AP5M1: variants seen among roughly 807,000 people sequenced by gnomAD.
AP5M1 encodes AP-5 complex subunit mu-1.
AP5M1 carries 44 observed loss-of-function variants against 52.3 expected under a neutral mutation model. The observed-to-expected ratio is 0.84, with a 90% CI of 0.66 to 1.08. The LOEUF (loss-of-function observed/expected upper bound fraction) is 1.08, where lower values mean the gene tolerates loss of function less well. Ranked by LOEUF, AP5M1 falls within the 50% of genes least tolerant of loss-of-function variation. The pLI, the probability that AP5M1 is intolerant of heterozygous loss-of-function variation, is 0.00. For synonymous variants in AP5M1, 213 were observed against 199.0 expected, an observed-to-expected ratio of 1.07 and a Z score of -0.59; for missense variants, 526 against 568.4, an observed-to-expected ratio of 0.93 and a Z score of 0.76.
chr14:57,277,295 G>T (rs1377952621), intron 2 of AP5M1, among the ~76,000 whole-genome samples: 1 of 152,090 alleles, frequency 6.6e-6, no homozygotes, highest in Admixed American at 6.5e-5. Context: ...TCATCGGCAG[G>T]TTCCATGATG....
At chr14:57,286,625 C>G (rs1434995368) in intron 7 of AP5M1, 6 of 217,776 alleles carry the variant, frequency 2.8e-5, no homozygotes, top group Non-Finnish European at 1.8e-5. Context: ...GTTGGACAGA[C>G]AGGGCTTAAG....
intron 4 of AP5M1, among the ~76,000 whole-genome samples, chr14:57,282,718 G>A (rs983980169): frequency 6.6e-6 from 1 of 152,130 alleles, no homozygotes; most frequent in African/African-American, 2.4e-5. Context: ...TTGTCTTAAG[G>A]ATTAATAATG....
intron 2 of AP5M1, chr14:57,275,585 A>G (rs1363543831): frequency 2.0e-5 from 3 of 152,424 alleles, no homozygotes; most frequent in African/African-American, 7.2e-5. Context: ...TAAGTGGTCC[A>G]TATTCAAGGG....
rs1436588200 is a variant in AP5M1, at chr14:57,283,142, G to A, written c.1205G>A (p.Ser402Asn). Residue 402 changes from serine (S) to asparagine (N), a missense_variant, in exon 6 of 8, where the codon AGT becomes AAT. This residue lies in a region of AP5M1 where 97 missense variants were observed against 121.3 expected (regional missense o/e 0.80). Transcript: ENST00000261558. The part of the protein sequence containing the change: ...GQKFPKSMEI[S>N]LSGTVTFGAK... ...AAGTTCCCAAAATCAATGGAAATTA[G>A]TCTTTCTGGAACTGTAACTTTTGGA... 1 of 1,613,264 alleles carries A rather than the reference G, an allele frequency of 6.2e-7. No individual in the cohort carries two copies. Among genetic ancestry groups the A allele is most frequent in the South Asian group, 1.1e-5 (1 of 90,834 alleles).
In AP5M1 at chr14:57,294,483, G is replaced by A. The variant is rs138229327; in HGVS notation, c.*5599G>A. The A allele has an allele frequency of 1.3e-5, 2 of 151,974 alleles. No individual in the cohort carries two copies. The highest frequency in any genetic ancestry group is 1.9e-4 in the East Asian group (1 of 5,166). The allele number at this position is 151,974 out of a possible 1,614,324, so 9.4% of individuals were successfully genotyped here. On this transcript the variant is annotated 3_prime_UTR_variant, in exon 8 of 8. Coordinates refer to ENST00000261558, the MANE Select transcript of AP5M1 (RefSeq NM_018229.4). ...GACTATATCTATTTTAAAACCCTGT[G>A]ATTTTTCTCTTTCATACACATAGCC...
At chr14:57,286,442 C>G in intron 7 of AP5M1, 123 bp downstream of exon 7, 2 of 681,912 alleles carry the variant, frequency 2.9e-6, no homozygotes, top group South Asian at 3.5e-5. Flanking sequence ...TTATAAAATT[C>G]TGGGCTGATT....
chr14:57,274,720 C>A lies in AP5M1; in HGVS notation c.551C>A (p.Thr184Asn). The A allele has an allele frequency of 6.2e-7, 1 of 1,614,132 alleles. No homozygotes were observed. The highest frequency in any genetic ancestry group is 8.5e-7 in the Non-Finnish European group (1 of 1,180,030). ...DANLQNSLDN[T>N]NFASVTQPQK... Reference sequence around the variant, plus strand: ...AACTTACAGAATTCATTAGATAATACCAATTTTGCATCTGTGACTCAGCCA... The same window carrying A: ...AACTTACAGAATTCATTAGATAATAACAATTTTGCATCTGTGACTCAGCCA... Residue 184 changes from threonine to asparagine, a missense_variant, in exon 2 of 8, where the codon ACC becomes AAC. Coordinates refer to ENST00000261558, the MANE Select transcript of AP5M1 (RefSeq NM_018229.4).
Position 57,294,584 on chromosome 14 carries a change from G to A in AP5M1, c.*5700G>A, listed in dbSNP as rs1042284438. 3 of 151,856 alleles carry A rather than the reference G, an allele frequency of 2.0e-5. No individual in the cohort carries two copies. The highest frequency in any genetic ancestry group is 7.2e-5 in the African/African-American group (3 of 41,382). The allele number at this position is 151,856 out of a possible 1,614,324, so 9.4% of individuals were successfully genotyped here. A position where few individuals can be genotyped will look rare whatever the true frequency, so the allele number is the denominator to read the frequency against. ...TCTTATTAATTTGCCAGTGGTTGAA[G>A]TTGGAGTTTCTTTTCTCCACTGGTT... On this transcript the variant is annotated 3_prime_UTR_variant, in exon 8 of 8. Coordinates refer to ENST00000261558, the MANE Select transcript of AP5M1 (RefSeq NM_018229.4).
In AP5M1 at chr14:57,282,100, A is replaced by G. The variant is rs762035712; in HGVS notation, c.960A>G (p.Pro320=). The G allele has an allele frequency of 1.4e-5, 22 of 1,576,046 alleles. No homozygotes were observed. The highest frequency in any genetic ancestry group is 1.6e-5 in the Non-Finnish European group (19 of 1,166,458). ...LCFYTSQVPV[P]PILGFYQMKE... Reference sequence around the variant, plus strand: ...ATGTTTCTTTTTAGGTCCCTGTCCCACCAATTTTGGGTTTTTATCAAATGA... The same window carrying G: ...ATGTTTCTTTTTAGGTCCCTGTCCCGCCAATTTTGGGTTTTTATCAAATGA... The change falls in exon 4 of 8, where the codon CCA becomes CCG. Residue 320 remains proline, a synonymous_variant. Transcript: ENST00000261558.
intron 6 of AP5M1, among the ~76,000 whole-genome samples, chr14:57,283,638 C>T (rs1295736348): frequency 6.6e-6 from 1 of 152,080 alleles, no homozygotes; most frequent in Non-Finnish European, 1.5e-5. Flanking sequence ...TTAAACGGAA[C>T]CAGCTAACCT....
rs1449962186 is a variant in AP5M1, at chr14:57,291,607, T to G, written c.*2723T>G. 6.6e-6 allele frequency: 1 copy of G among 151,824 alleles called. No individual in the cohort carries two copies. Among genetic ancestry groups the G allele is most frequent in the African/African-American group, 2.4e-5 (1 of 41,392 alleles). The allele number at this position is 151,824 out of a possible 1,614,324, so 9.4% of individuals were successfully genotyped here. A position where few individuals can be genotyped will look rare whatever the true frequency, so the allele number is the denominator to read the frequency against. The stretch of plus-strand genomic sequence containing the variant: ...GTCTTGTCAGGAATTCTGATGACAA[T>G]TATTTGTTTAAAAAATTTTTTTTAT... On this transcript the variant is annotated 3_prime_UTR_variant, in exon 8 of 8. Transcript: ENST00000261558.
At position 57,274,428 on chromosome 14, in the gene AP5M1, C is replaced by G; in HGVS notation, c.259C>G (p.Leu87Val). 1 of 1,614,108 alleles carries G rather than the reference C, an allele frequency of 6.2e-7. No individual in the cohort carries two copies. Among genetic ancestry groups the G allele is most frequent in the Non-Finnish European group, 8.5e-7 (1 of 1,180,016 alleles). Residue 87 changes from leucine (L) to valine (V), a missense_variant, in exon 2 of 8, where the codon CTG becomes GTG. By Grantham distance (32) the Leu-to-Val change is conservative. Transcript: ENST00000261558. ...RINKTSIYGLLIGGEELWPVV... is the reference protein window; with the variant it reads ...RINKTSIYGLVIGGEELWPVV... ...CAATAAAACATCCATTTATGGACTC[C>G]TGATAGGAGGTGAAGAACTCTGGCC...
chr14:57,288,930 A>G lies in AP5M1; in HGVS notation c.*46A>G. On this transcript the variant is annotated 3_prime_UTR_variant, in exon 8 of 8. Transcript: ENST00000261558. ...ATTATATAATGATAACAGTTTAAAG[A>G]AAATCATAATCTTATATTTTTAATG... The G allele has an allele frequency of 8.6e-7, 1 of 1,166,880 alleles. No homozygotes were observed. Among genetic ancestry groups the G allele is most frequent in the Non-Finnish European group, 1.2e-6 (1 of 810,020 alleles). 72.3% of individuals were successfully genotyped at this position (1,166,880 alleles called of 1,614,324 possible).
chr14:57,293,386 C>CT lies in AP5M1; in HGVS notation c.*4509dup, dbSNP rs985863720. 1.3e-5 allele frequency: 2 copies of CT among 151,602 alleles called. No homozygotes were observed. Among genetic ancestry groups the CT allele is most frequent in the African/African-American group, 4.8e-5 (2 of 41,342 alleles). 9.4% of individuals were successfully genotyped at this position (151,602 alleles called of 1,614,324 possible). ...CAAGGGATGTATTTAGATTATTATACTTTTTTTGGCTCAGACTTTTTGTGA... is the reference window on the plus strand; with the variant it reads ...CAAGGGATGTATTTAGATTATTATACTTTTTTTTGGCTCAGACTTTTTGTGA... On this transcript the variant is annotated 3_prime_UTR_variant, in exon 8 of 8. Coordinates refer to ENST00000261558, the MANE Select transcript of AP5M1 (RefSeq NM_018229.4).
Position 57,296,962 on chromosome 14 carries a change from A to G in AP5M1, c.*8078A>G, listed in dbSNP as rs1352656195. 4 of 152,126 alleles carry G rather than the reference A, an allele frequency of 2.6e-5. No individual in the cohort carries two copies. The highest frequency in any genetic ancestry group is 2.9e-5 in the Non-Finnish European group (2 of 67,970). The allele number at this position is 152,126 out of a possible 1,614,324, so 9.4% of individuals were successfully genotyped here. On this transcript the variant is annotated 3_prime_UTR_variant, in exon 8 of 8. Transcript: ENST00000261558. ...TGTTATTAGTACAGAAACTGCCCAA[A>G]AAGGTGATGGTTGAAGTTCCCCAGC...
intron 2 of AP5M1, among the ~76,000 whole-genome samples, chr14:57,276,403 C>T (rs1367462730): frequency 1.3e-5 from 2 of 152,058 alleles, no homozygotes; most frequent in Non-Finnish European, 2.9e-5. Flanking sequence ...TGGCGAAACC[C>T]TGTCTCTACT....
Position 57,274,463 on chromosome 14 carries a change from T to C in AP5M1, c.294T>C (p.Ala98=), listed in dbSNP as rs1211145098. ...IGGEELWPVV[A]FLKNDMIYAC... is the part of the protein sequence containing the mutation. ...GTGAAGAACTCTGGCCAGTTGTTGC[T>C]TTTCTGAAGAATGACATGATATATG... is the stretch of plus-strand genomic sequence containing the variant. Residue 98 remains alanine (A), a synonymous_variant, in exon 2 of 8, where the codon GCT becomes GCC. Coordinates refer to ENST00000261558, the MANE Select transcript of AP5M1 (RefSeq NM_018229.4). 6.2e-7 allele frequency: 1 copy of C among 1,614,220 alleles called. No individual in the cohort carries two copies. The highest frequency in any genetic ancestry group is 8.5e-7 in the Non-Finnish European group (1 of 1,180,032).
At chr14:57,287,296 G>A (rs959136140) in intron 7 of AP5M1, among the ~76,000 whole-genome samples, 1 of 151,938 alleles carries the variant, frequency 6.6e-6, no homozygotes, top group Non-Finnish European at 1.5e-5. Flanking sequence ...AAAAAGAATA[G>A]GAAAGGACTC....
intron 5 of AP5M1, 46 bp from the exon 6 acceptor site, chr14:57,283,066 G>T (rs775498529): frequency 6.4e-7 from 1 of 1,572,128 alleles, no homozygotes; most frequent in South Asian, 1.2e-5. Flanking sequence ...ATTTACTGTA[G>T]AATCTACTTA....
Sources: allele counts gnomAD v4.1 joint callset (sites outside exome capture counted in the v4.1 genomes callset), GRCh38; gene constraint gnomAD v4.1.1; regional missense constraint gnomAD v4.1.1; transcripts MANE v1.5; gene names NCBI Gene and HGNC (gene_info 2026-07-23, HGNC 2026-07-21).